Variants in ARHGAP32 observed in about 807,000 individuals in gnomAD.
The protein encoded by ARHGAP32 is Rho GTPase activating protein 32.
ARHGAP32 carries 51 observed loss-of-function variants against 186.5 expected under a neutral mutation model. The observed-to-expected ratio is 0.27, with a 90% CI of 0.22 to 0.35. ARHGAP32 has a LOEUF of 0.35. ARHGAP32 is among the 10% of genes least tolerant of loss of function. ARHGAP32 has a pLI of 1.00. For missense variants in ARHGAP32, 2,186 were observed against 2,623.5 expected (o/e 0.83, Z 3.64); for synonymous variants, 950 against 964.3 (o/e 0.99, Z 0.27).
intron 6 of ARHGAP32, 115 bp downstream of exon 6, chr11:129,093,500 ATATAAG>A (rs1941639997): frequency 2.9e-6 from 2 of 697,052 alleles, no homozygotes; most frequent in African/African-American, 1.8e-5. Flanking sequence ...TTTCAGTATT[ATATAAG>A]TATTTTTCTG....
intron 5 of ARHGAP32, among the ~76,000 whole-genome samples, chr11:129,119,126 T>C (rs1942453965): frequency 1.3e-5 from 2 of 152,002 alleles, no homozygotes; most frequent in Admixed American, 1.3e-4. Context: ...TCAGAACTCA[T>C]AGTTCATCTA....
chr11:129,138,074 T>C (rs1942972370), intron 2 of ARHGAP32, among the ~76,000 whole-genome samples: 1 of 151,932 alleles, frequency 6.6e-6, no homozygotes, highest in African/African-American at 2.4e-5. Context: ...ATTCACAAAC[T>C]GAGTGACAGA....
intron 1 of ARHGAP32, among the ~76,000 whole-genome samples, chr11:129,249,655 T>C (rs1175846038): frequency 2.0e-5 from 3 of 152,188 alleles, no homozygotes; most frequent in African/African-American, 4.8e-5. Flanking sequence ...AGTGAGACTA[T>C]AAGAAGAAGA....
intron 10 of ARHGAP32, among the ~76,000 whole-genome samples, chr11:129,049,015 G>A (rs151033297): frequency 2.0e-5 from 3 of 152,056 alleles, no homozygotes; most frequent in Non-Finnish European, 4.4e-5. Context: ...GAATAAAGTC[G>A]GAGATCCTGG....
intron 2 of ARHGAP32, among the ~76,000 whole-genome samples, chr11:129,151,443 A>G (rs1943286596): frequency 1.3e-5 from 2 of 152,144 alleles, no homozygotes. Flanking sequence ...CAGTACATGG[A>G]ACATTCTCCA....
intron 11 of ARHGAP32, among the ~76,000 whole-genome samples, chr11:129,031,701 C>G (rs1417402804): frequency 6.6e-6 from 1 of 152,208 alleles, no homozygotes; most frequent in African/African-American, 2.4e-5. Flanking sequence ...AAGGGCCACA[C>G]TCTCAAGCCT....
intron 10 of ARHGAP32, among the ~76,000 whole-genome samples, chr11:129,050,640 AAATT>A (rs1237838011): frequency 4.6e-5 from 7 of 152,334 alleles, no homozygotes; most frequent in East Asian, 1.9e-4. Context: ...TTTTTTAAAA[AAATT>A]AATTATTTCT....
intron 1 of ARHGAP32, among the ~76,000 whole-genome samples, chr11:129,269,479 C>T (rs1945447830): frequency 6.6e-6 from 1 of 152,120 alleles, no homozygotes; most frequent in Admixed American, 6.6e-5. Flanking sequence ...ATAATCCCAA[C>T]ACTTTGAGAG....
Position 129,192,266 on chromosome 11 carries a change from G to C in ARHGAP32, c.-68C>G. On this transcript the variant is annotated 5_prime_UTR_variant, in exon 1 of 23. Transcript: ENST00000682385. ...AATAAAAAGCACCAACATTCAGGTT[G>C]TTCAGCTCTACTCATGTATACTCAG... 1 of 1,110,604 alleles carries C rather than the reference G, an allele frequency of 9.0e-7. No individual in the cohort carries two copies. The highest frequency in any genetic ancestry group is 1.4e-6 in the Non-Finnish European group (1 of 733,110). 68.8% of individuals were successfully genotyped at this position (1,110,604 alleles called of 1,614,324 possible). A position where few individuals can be genotyped will look rare whatever the true frequency, so the allele number is the denominator to read the frequency against.
intron 12 of ARHGAP32, among the ~76,000 whole-genome samples, chr11:128,997,630 C>T (rs1031220215): frequency 3.3e-5 from 5 of 151,580 alleles, no homozygotes; most frequent in Admixed American, 2.0e-4. Flanking sequence ...TTTTTCTTTC[C>T]CTCCTATCCA....
At chr11:129,152,582 C>T (rs1943312093) in intron 2 of ARHGAP32, among the ~76,000 whole-genome samples, 1 of 152,010 alleles carries the variant, frequency 6.6e-6, no homozygotes, top group African/African-American at 2.4e-5. Context: ...TGGTTGAACA[C>T]ATCTAAATCA....
intron 5 of ARHGAP32, among the ~76,000 whole-genome samples, chr11:129,105,780 G>GA (rs1053076335): frequency 2.0e-5 from 3 of 151,838 alleles, no homozygotes; most frequent in African/African-American, 4.8e-5. Context: ...TTCATCAGAG[G>GA]AAAAAACAAA....
intron 11 of ARHGAP32, chr11:129,030,365 A>G (rs1306194320): frequency 6.6e-6 from 1 of 152,224 alleles, no homozygotes; most frequent in Non-Finnish European, 1.5e-5. Flanking sequence ...TTAGAACAAA[A>G]CAACTGGAAT....
Position 128,981,869 on chromosome 11 carries a change from C to G in ARHGAP32, c.1594G>C (p.Ala532Pro), listed in dbSNP as rs1346026390. 3.1e-6 allele frequency: 5 copies of G among 1,613,258 alleles called. No homozygotes were observed. The highest frequency in any genetic ancestry group is 4.2e-6 in the Non-Finnish European group (5 of 1,179,686). The change falls in exon 16 of 23, where the codon GCA (alanine) becomes CCA (proline). Residue 532 changes from alanine to proline, a missense_variant. Around this residue, in one of 5 missense-constraint regions of ARHGAP32, gnomAD observed 308 missense variants for 596.5 expected, o/e 0.52. Coordinates refer to ENST00000682385, the MANE Select transcript of ARHGAP32 (RefSeq NM_001378024.1). ...ADYCSITNMH[A>P]KNLAIVWAPN... Reference sequence around the variant, plus strand: ...GCCCAAACAATTGCTAGATTTTTTGCATGCATATTTGTGATGGAACAATAG... The same window carrying G: ...GCCCAAACAATTGCTAGATTTTTTGGATGCATATTTGTGATGGAACAATAG...
At chr11:129,154,612 A>T (rs1254240951) in intron 2 of ARHGAP32, among the ~76,000 whole-genome samples, 1 of 152,196 alleles carries the variant, frequency 6.6e-6, no homozygotes, top group Non-Finnish European at 1.5e-5. Flanking sequence ...CCATTATTTT[A>T]AGTGAAGTAA....
intron 11 of ARHGAP32, among the ~76,000 whole-genome samples, chr11:129,038,876 A>C (rs1939470816): frequency 1.4e-5 from 2 of 148,018 alleles, no homozygotes; most frequent in Non-Finnish European, 3.0e-5. Context: ...TGACAAAGAA[A>C]GACCCTGTCT....
chr11:129,067,468 T>C (rs1280614246), intron 6 of ARHGAP32, among the ~76,000 whole-genome samples: 1 of 152,088 alleles, frequency 6.6e-6, no homozygotes, highest in Non-Finnish European at 1.5e-5. Flanking sequence ...TAATCTTCTC[T>C]TGAATCTATC....
intron 2 of ARHGAP32, among the ~76,000 whole-genome samples, chr11:129,156,071 C>T (rs1458937199): frequency 6.6e-6 from 1 of 152,230 alleles, no homozygotes; most frequent in East Asian, 1.9e-4. Flanking sequence ...AAATACTACG[C>T]TTTTCACATG....
At chr11:129,277,802 A>G (rs1945550834) in intron 1 of ARHGAP32, among the ~76,000 whole-genome samples, 1 of 152,226 alleles carries the variant, frequency 6.6e-6, no homozygotes, top group South Asian at 2.1e-4. Context: ...AAACAGCCCC[A>G]TTAAAAAGAA....
Sources: allele counts gnomAD v4.1 joint callset (sites outside exome capture counted in the v4.1 genomes callset), GRCh38; gene constraint gnomAD v4.1.1; regional missense constraint gnomAD v4.1.1; transcripts MANE v1.5; gene names NCBI Gene and HGNC (gene_info 2026-07-23, HGNC 2026-07-21).